Variants in HS3ST3A1 observed in about 807,000 individuals in gnomAD.
HS3ST3A1 encodes heparan sulfate-glucosamine 3-sulfotransferase 3A1, also known as heparan sulfate glucosamine 3-O-sulfotransferase 3A1.
A neutral mutation model predicts 25.7 loss-of-function variants in HS3ST3A1; 19 were observed. The ratio of observed to expected loss-of-function variants is 0.74; its 90% CI spans 0.52 to 1.08. The LOEUF (loss-of-function observed/expected upper bound fraction) is 1.08. Among genes scored for constraint, HS3ST3A1 ranks in the 50% least tolerant of loss-of-function variants. The probability of loss-of-function intolerance (pLI) is 0.00; values close to 1 mark genes in which losing one functional copy is unlikely to be tolerated. For synonymous variants in HS3ST3A1, 226 were observed against 278.6 expected (o/e 0.81, Z 1.88); for missense variants, 459 against 594.3 (o/e 0.77, Z 2.37).
chr17:13,592,120 C>T (rs1450498278), intron 1 of HS3ST3A1, among the ~76,000 whole-genome samples: 1 of 152,170 alleles, frequency 6.6e-6, no homozygotes, highest in African/African-American at 2.4e-5. Flanking sequence ...CTGCCAGAGA[C>T]CATCACAGAG....
At chr17:13,522,549 C>T (rs1328150465) in intron 1 of HS3ST3A1, among the ~76,000 whole-genome samples, 1 of 152,078 alleles carries the variant, frequency 6.6e-6, no homozygotes, top group African/African-American at 2.4e-5. Flanking sequence ...AAGGAAATAG[C>T]AAAATATGTG....
At chr17:13,585,186 CTTTTTTTTTTTTTTTTTT>C (rs71144977) in intron 1 of HS3ST3A1, among the ~76,000 whole-genome samples, 1 of 33,234 alleles carries the variant, frequency 3.0e-5, no homozygotes, top group Non-Finnish European at 5.2e-5. Flanking sequence ...TTTTTCTGTG[CTTTTTTTTTTTTTTTTTT>C]TTTTTTTTTT....
intron 1 of HS3ST3A1, among the ~76,000 whole-genome samples, chr17:13,578,429 G>T (rs972830058): frequency 3.3e-5 from 5 of 151,398 alleles, no homozygotes; most frequent in African/African-American, 4.9e-5. Context: ...TGGGCTTGGT[G>T]GTGGGCGCCT....
At chr17:13,575,430 T>C (rs1907926274) in intron 1 of HS3ST3A1, among the ~76,000 whole-genome samples, 1 of 152,178 alleles carries the variant, frequency 6.6e-6, no homozygotes, top group Non-Finnish European at 1.5e-5. Context: ...AAGAAGAAAC[T>C]ATAGAGCATG....
chr17:13,501,021 A>G (rs560832690), intron 1 of HS3ST3A1, among the ~76,000 whole-genome samples: 2 of 152,222 alleles, frequency 1.3e-5, no homozygotes, highest in Non-Finnish European at 2.9e-5. Flanking sequence ...AAAGACAAAT[A>G]CTGTATGAGT....
At chr17:13,565,615 C>A (rs1567625321) in intron 1 of HS3ST3A1, among the ~76,000 whole-genome samples, 1 of 152,172 alleles carries the variant, frequency 6.6e-6, no homozygotes, top group East Asian at 1.9e-4. Context: ...TCTAATTTTA[C>A]CATTGGTAAA....
At chr17:13,541,831 C>T (rs12953236) in intron 1 of HS3ST3A1, among the ~76,000 whole-genome samples, 53,094 of 151,918 alleles carry the variant, frequency 0.35, 9,565 homozygotes, top group African/African-American at 0.42. Context: ...TCACACACCT[C>T]CAGAAACCTC....
At chr17:13,511,767 T>C (rs1299056696) in intron 1 of HS3ST3A1, among the ~76,000 whole-genome samples, 3 of 151,816 alleles carry the variant, frequency 2.0e-5, no homozygotes, top group African/African-American at 7.3e-5. Flanking sequence ...TGTTTGAGAT[T>C]TAATTACAAT....
At chr17:13,580,940 A>G (rs1046842305) in intron 1 of HS3ST3A1, among the ~76,000 whole-genome samples, 2 of 152,108 alleles carry the variant, frequency 1.3e-5, no homozygotes, top group Non-Finnish European at 2.9e-5. Flanking sequence ...GGTCTCTGGT[A>G]GGCGGTTGGG....
At chr17:13,561,378 C>A (rs921851951) in intron 1 of HS3ST3A1, among the ~76,000 whole-genome samples, 2 of 151,596 alleles carry the variant, frequency 1.3e-5, no homozygotes, top group African/African-American at 4.9e-5. Context: ...CCCTGAGATA[C>A]CAGATCATTC....
chr17:13,547,764 A>G (rs546484209), intron 1 of HS3ST3A1, among the ~76,000 whole-genome samples: 6 of 152,184 alleles, frequency 3.9e-5, no homozygotes, highest in Non-Finnish European at 8.8e-5. Flanking sequence ...CCAGTCAGTC[A>G]GAAGTACAGG....
intron 1 of HS3ST3A1, among the ~76,000 whole-genome samples, chr17:13,550,791 C>T (rs1482242990): frequency 4.6e-5 from 7 of 151,992 alleles, no homozygotes; most frequent in Non-Finnish European, 8.8e-5. Context: ...AAATCAGGCC[C>T]GGCGCAGTGG....
chr17:13,517,427 A>G (rs1373175747), intron 1 of HS3ST3A1, among the ~76,000 whole-genome samples: 3 of 152,200 alleles, frequency 2.0e-5, no homozygotes, highest in African/African-American at 7.2e-5. Flanking sequence ...GAAAATTACT[A>G]TAAGGGAATG....
chr17:13,555,426 A>G (rs914192871), intron 1 of HS3ST3A1, among the ~76,000 whole-genome samples: 5 of 152,190 alleles, frequency 3.3e-5, no homozygotes, highest in African/African-American at 9.7e-5. Flanking sequence ...GATGCAGGCA[A>G]TTTAGCCTGG....
intron 1 of HS3ST3A1, among the ~76,000 whole-genome samples, chr17:13,508,951 A>G (rs573181049): frequency 6.6e-6 from 1 of 151,274 alleles, no homozygotes; most frequent in Admixed American, 6.6e-5. Flanking sequence ...TTTGAGGGTA[A>G]GCATCTCTTT....
chr17:13,577,645 T>C (rs567384074), intron 1 of HS3ST3A1, among the ~76,000 whole-genome samples: 2 of 152,126 alleles, frequency 1.3e-5, no homozygotes, highest in South Asian at 2.1e-4. Context: ...AATCACCAAA[T>C]TTGACATTTT....
At chr17:13,565,178 G>C (rs986610532) in intron 1 of HS3ST3A1, among the ~76,000 whole-genome samples, 2 of 151,662 alleles carry the variant, frequency 1.3e-5, no homozygotes. Flanking sequence ...TTCAATTTTT[G>C]CATGGTAGCT....
In HS3ST3A1 at chr17:13,601,131, CT is replaced by C; in HGVS notation, c.-3del. On this transcript the variant is annotated 5_prime_UTR_variant, in exon 1 of 2. It removes the in-frame stop codon of an upstream open reading frame in the 5' UTR. Coordinates refer to ENST00000284110, the MANE Select transcript of HS3ST3A1 (RefSeq NM_006042.3). ...ACTGGCCGGGCCCGGAGGGGCCATC[CT>C]AGCCGGAGGCGACGTCGGGCAACGC... The C allele has an allele frequency of 6.5e-7, 1 of 1,533,854 alleles. No homozygotes were observed. The highest frequency in any genetic ancestry group is 8.7e-7 in the Non-Finnish European group (1 of 1,143,746).
chr17:13,507,915 G>T (rs1427491874), intron 1 of HS3ST3A1, among the ~76,000 whole-genome samples: 1 of 152,176 alleles, frequency 6.6e-6, no homozygotes, highest in Non-Finnish European at 1.5e-5. Context: ...CCCTTGGGCC[G>T]AGCCCACTCA....
Sources: gnomAD v4.1 joint callset for allele counts (sites outside exome capture counted in the v4.1 genomes callset) on GRCh38, gnomAD v4.1.1 for gene constraint, MANE v1.5 for transcripts, NCBI Gene and HGNC (gene_info 2026-07-23, HGNC 2026-07-21) for gene names.